KCNN2: variants seen among roughly 807,000 people sequenced by gnomAD.
KCNN2 encodes potassium calcium-activated channel subfamily N member 2, also known as small conductance calcium-activated potassium channel protein 2.
Under a neutral mutation model 55.5 loss-of-function variants are expected in KCNN2, and 24 were observed. That is an observed-to-expected ratio of 0.43 (90% CI 0.31 to 0.61). The LOEUF (loss-of-function observed/expected upper bound fraction) is 0.61, where lower values mean the gene tolerates loss of function less well. KCNN2 is among the 20% of genes least tolerant of loss of function. KCNN2 has a pLI of 0.08. For synonymous variants in KCNN2, 431 were observed against 336.1 expected, an observed-to-expected ratio of 1.28 and a Z score of -3.09; for missense variants, 754 against 853.6, an observed-to-expected ratio of 0.88 and a Z score of 1.45.
At chr5:114,321,377 G>T (rs772474919) in intron 2 of KCNN2, among the ~76,000 whole-genome samples, 4 of 152,092 alleles carry the variant, frequency 2.6e-5, no homozygotes, top group Non-Finnish European at 5.9e-5. Flanking sequence ...AGCAGCATGG[G>T]GCAGGTCTAC....
chr5:114,269,867 A>C (rs1755291048), intron 2 of KCNN2, among the ~76,000 whole-genome samples: 1 of 152,188 alleles, frequency 6.6e-6, no homozygotes. Context: ...GAATGTCTGC[A>C]TATTAATTTA....
At chr5:114,168,304 GT>G in intron 1 of KCNN2, among the ~76,000 whole-genome samples, 1 of 151,810 alleles carries the variant, frequency 6.6e-6, no homozygotes, top group South Asian at 2.1e-4. Flanking sequence ...CTAATACCAT[GT>G]TTTACTTTAA....
intron 2 of KCNN2, among the ~76,000 whole-genome samples, chr5:114,231,516 T>A (rs994611815): frequency 9.3e-5 from 14 of 151,206 alleles, no homozygotes; most frequent in Non-Finnish European, 1.9e-4. Flanking sequence ...TAGCCAGTTT[T>A]CTTATTTTAA....
chr5:114,131,678 C>T (rs11949451), intron 1 of KCNN2, among the ~76,000 whole-genome samples: 25,649 of 152,154 alleles, frequency 0.17, 2,244 homozygotes, highest in Middle Eastern at 0.22. Flanking sequence ...AATGGTATTT[C>T]TGGTTCTGTG....
chr5:114,165,319 G>A (rs10051775), intron 1 of KCNN2, among the ~76,000 whole-genome samples: 67,962 of 151,882 alleles, frequency 0.45, 15,750 homozygotes, highest in Middle Eastern at 0.56. Context: ...ACACGAAGAC[G>A]AGGATGAAGC....
intron 2 of KCNN2, among the ~76,000 whole-genome samples, chr5:114,379,917 A>T (rs1758064677): frequency 6.7e-6 from 1 of 148,344 alleles, no homozygotes; most frequent in South Asian, 2.1e-4. Context: ...TGAATAACAT[A>T]ATATATACCA....
intron 1 of KCNN2, among the ~76,000 whole-genome samples, chr5:114,213,585 G>A (rs1753934650): frequency 6.6e-6 from 1 of 151,792 alleles, no homozygotes; most frequent in Non-Finnish European, 1.5e-5. Context: ...GAGAATTCTG[G>A]TAAAAAATCT....
intron 3 of KCNN2, among the ~76,000 whole-genome samples, chr5:114,440,758 G>A (rs866494006): frequency 2.1e-4 from 32 of 151,982 alleles, no homozygotes; most frequent in African/African-American, 7.2e-4. Context: ...AACCTGTAAA[G>A]TAATAAAAAT....
intron 1 of KCNN2, among the ~76,000 whole-genome samples, chr5:114,175,852 G>T (rs1016623759): frequency 2.0e-5 from 3 of 152,152 alleles, no homozygotes; most frequent in African/African-American, 4.8e-5. Flanking sequence ...AAAATGAAAA[G>T]AATTTGATAT....
intron 1 of KCNN2, among the ~76,000 whole-genome samples, chr5:114,130,638 A>G (rs558129880): frequency 2.6e-5 from 4 of 152,270 alleles, no homozygotes; most frequent in Admixed American, 6.5e-5. Context: ...TTTTGTGCCT[A>G]TAGTCCATCT....
intron 1 of KCNN2, among the ~76,000 whole-genome samples, chr5:114,159,616 G>A (rs995300428): frequency 6.6e-6 from 1 of 152,176 alleles, no homozygotes; most frequent in Non-Finnish European, 1.5e-5. Flanking sequence ...GAATTCAGCT[G>A]TGAGTCCATC....
chr5:114,256,013 T>G (rs968380364), intron 2 of KCNN2, among the ~76,000 whole-genome samples: 1 of 152,122 alleles, frequency 6.6e-6, no homozygotes, highest in Non-Finnish European at 1.5e-5. Context: ...TCTCTCACCT[T>G]TCTGAGTCTC....
intron 1 of KCNN2, among the ~76,000 whole-genome samples, chr5:114,194,641 C>T (rs1054178558): frequency 1.3e-5 from 2 of 151,976 alleles, no homozygotes; most frequent in East Asian, 3.9e-4. Context: ...TTCTTCTATT[C>T]AGTAGATTGT....
intron 2 of KCNN2, among the ~76,000 whole-genome samples, chr5:114,253,103 T>C (rs1754906010): frequency 6.7e-6 from 1 of 149,202 alleles, no homozygotes; most frequent in South Asian, 2.1e-4. Flanking sequence ...TTTTTGCTCT[T>C]AGTAGAGGTT....
At chr5:114,163,373 T>G (rs1390682450) in intron 1 of KCNN2, among the ~76,000 whole-genome samples, 1 of 152,192 alleles carries the variant, frequency 6.6e-6, no homozygotes, top group Non-Finnish European at 1.5e-5. Context: ...CAATTTTCAC[T>G]GGGAGAATGA....
chr5:114,124,952 AG>A (rs1275597723), intron 1 of KCNN2, among the ~76,000 whole-genome samples: 2 of 152,118 alleles, frequency 1.3e-5, no homozygotes, highest in Non-Finnish European at 2.9e-5. Flanking sequence ...CATTCACCAG[AG>A]GTAAGCTTTG....
chr5:114,361,322 T>G (rs761342477), upstream of KCNN2, among the ~76,000 whole-genome samples: 204 of 151,258 alleles, frequency 1.3e-3, no homozygotes, highest in Non-Finnish European at 1.9e-3. Context: ...GCACTTGGGC[T>G]AGAGCGCCGC....
intron 1 of KCNN2, among the ~76,000 whole-genome samples, chr5:114,194,103 G>GT: frequency 6.6e-6 from 1 of 151,740 alleles, no homozygotes; most frequent in East Asian, 1.9e-4. Flanking sequence ...CTACTTTTTA[G>GT]TTTGTATGAA....
In KCNN2 at chr5:114,475,801, C is replaced by T. The variant is rs1270501466; in HGVS notation, c.1890+2637C>T. Among the ~76,000 whole-genome samples, 3 of 152,028 alleles carry T rather than the reference C, an allele frequency of 2.0e-5. No individual in the cohort carries two copies. The East Asian group carries it at 5.8e-4, about 30-fold the overall frequency. On this transcript the variant is annotated intron_variant, in intron 5 of 7. Transcript: ENST00000673685. ...ATCTAGATCTATGGATTTTGGTGAC[C>T]CTCCTTCAGTTTTTATGAATGAAAA...
Sources: gnomAD v4.1 joint callset for allele counts (sites outside exome capture counted in the v4.1 genomes callset) on GRCh38, gnomAD v4.1.1 for gene constraint, MANE v1.5 for transcripts, NCBI Gene and HGNC (gene_info 2026-07-23, HGNC 2026-07-21) for gene names.